The following SLC4A4 variants were observed in gnomAD, a reference collection of about 807,000 sequenced individuals.
SLC4A4 encodes solute carrier family 4 member 4.
Under a neutral mutation model 111.5 loss-of-function variants are expected in SLC4A4, and 27 were observed. The ratio of observed to expected loss-of-function variants is 0.24; its 90% CI spans 0.18 to 0.33. The LOEUF (loss-of-function observed/expected upper bound fraction) is 0.33. Ranked by LOEUF, SLC4A4 falls within the 10% of genes least tolerant of loss-of-function variation. The pLI is 1.00. For synonymous variants in SLC4A4, 443 were observed against 463.4 expected, an observed-to-expected ratio of 0.96 and a Z score of 0.57; for missense variants, 909 against 1,315.5, an observed-to-expected ratio of 0.69 and a Z score of 4.78.
Position 71,153,054 on chromosome 4 carries a change from A to T in SLC4A4, c.-2+60262A>T, listed in dbSNP as rs200758443. 1.7e-3 allele frequency among the ~76,000 whole-genome samples: 245 copies of T among 140,782 alleles called. 2 individuals are homozygous for T. Among genetic ancestry groups the T allele is most frequent in the South Asian group, 4.5e-3 (20 of 4,470 alleles). The allele number at this position is 140,782 out of a possible 152,430, so 92.4% of individuals were successfully genotyped here. A position where few individuals can be genotyped will look rare whatever the true frequency, so the allele number is the denominator to read the frequency against. On this transcript the variant is annotated intron_variant, in intron 2 of 26. Transcript: ENST00000649996. ...GTGTGTATATATATATATATATATA[A>T]AAATAAAAGGAAGTTTATTAAGTAT...
chr4:71,302,745 C>T (rs188969770), intron 3 of SLC4A4, among the ~76,000 whole-genome samples: 57 of 152,256 alleles, frequency 3.7e-4, no homozygotes, highest in Admixed American at 1.7e-3. Context: ...GGCAATGATG[C>T]CCCAGCCTTC....
chr4:71,506,300 C>G (rs188860089), intron 16 of SLC4A4, among the ~76,000 whole-genome samples: 30 of 152,092 alleles, frequency 2.0e-4, no homozygotes, highest in African/African-American at 6.7e-4. Context: ...AACATTTTAA[C>G]ATATTGATTC....
chr4:71,159,004 AT>A (rs1206788047), intron 2 of SLC4A4, among the ~76,000 whole-genome samples: 13 of 152,244 alleles, frequency 8.5e-5, no homozygotes, highest in African/African-American at 2.2e-4. Flanking sequence ...TTTATTAAAA[AT>A]ATATGTTGTT....
intron 12 of SLC4A4, among the ~76,000 whole-genome samples, chr4:71,456,681 A>G (rs1726300041): frequency 6.6e-6 from 1 of 152,150 alleles, no homozygotes; most frequent in Non-Finnish European, 1.5e-5. Context: ...AGTGCTGGAG[A>G]TAAAGATAGA....
chr4:71,449,602 T>C (rs1230868096), intron 9 of SLC4A4, among the ~76,000 whole-genome samples: 2 of 152,140 alleles, frequency 1.3e-5, no homozygotes, highest in Non-Finnish European at 2.9e-5. Flanking sequence ...TCTTTAAGAA[T>C]AGGTAAGGGT....
chr4:71,141,705 T>G (rs1338208528), intron 2 of SLC4A4, among the ~76,000 whole-genome samples: 1 of 152,234 alleles, frequency 6.6e-6, no homozygotes, highest in Non-Finnish European at 1.5e-5. Context: ...AGAACCTTGT[T>G]TGCCTTGCTT....
At chr4:71,242,834 A>C (rs1056800005) in intron 2 of SLC4A4, among the ~76,000 whole-genome samples, 10 of 151,900 alleles carry the variant, frequency 6.6e-5, no homozygotes, top group African/African-American at 2.4e-4. Context: ...TACTTGCTTA[A>C]TTCATTTCTC....
In SLC4A4 at chr4:71,241,023, G is replaced by A. The variant is rs1022074104; in HGVS notation, c.73+4374G>A. Among the ~76,000 whole-genome samples the A allele has an allele frequency of 2.6e-5, 4 of 152,086 alleles. 1 individual carries two copies. The South Asian group carries it at 8.3e-4, about 32-fold the overall frequency. On this transcript the variant is annotated intron_variant, in intron 2 of 25. Coordinates refer to ENST00000264485, the MANE Select transcript of SLC4A4 (RefSeq NM_001098484.3). ...AGTCCCAGCTACTCAGGAGGTTGAG[G>A]TGGGAGAATCGTTTGAGCCCAGGAG...
At chr4:71,445,098 A>G (rs1273729999) in intron 8 of SLC4A4, among the ~76,000 whole-genome samples, 1 of 152,164 alleles carries the variant, frequency 6.6e-6, no homozygotes, top group Admixed American at 6.5e-5. Flanking sequence ...TATAATTCTC[A>G]TATATTGTGT....
chr4:71,143,498 A>G (rs1355509973), intron 2 of SLC4A4, among the ~76,000 whole-genome samples: 1 of 151,938 alleles, frequency 6.6e-6, no homozygotes, highest in South Asian at 2.1e-4. Flanking sequence ...GGTATTTCTA[A>G]TTCTAGATCC....
chr4:71,088,953 C>T (rs1742287425), intron 1 of SLC4A4, among the ~76,000 whole-genome samples: 1 of 151,980 alleles, frequency 6.6e-6, no homozygotes, highest in African/African-American at 2.4e-5. Context: ...TGTTGACCTG[C>T]CTTGCTAGAT....
At chr4:71,550,345 G>C (rs1735878934) in intron 20 of SLC4A4, among the ~76,000 whole-genome samples, 1 of 151,908 alleles carries the variant, frequency 6.6e-6, no homozygotes, top group Non-Finnish European at 1.5e-5. Flanking sequence ...ATGTACCATT[G>C]AGGTTTGGTA....
At chr4:71,523,475 C>T (rs776264825) in intron 16 of SLC4A4, among the ~76,000 whole-genome samples, 1 of 152,044 alleles carries the variant, frequency 6.6e-6, no homozygotes, top group Non-Finnish European at 1.5e-5. Context: ...AATAAAAACA[C>T]AGTCGACCTG....
At chr4:71,381,224 T>C (rs74935054) in intron 6 of SLC4A4, among the ~76,000 whole-genome samples, 3,036 of 152,288 alleles carry the variant, frequency 0.02, 103 homozygotes, top group African/African-American at 0.069. Flanking sequence ...TTTCCATCTG[T>C]AAATGTCTTG....
intron 22 of SLC4A4, 61 bp from the exon 23 acceptor site, chr4:71,560,032 A>G (rs1736824411): frequency 3.8e-6 from 5 of 1,316,552 alleles, no homozygotes; most frequent in African/African-American, 2.9e-5. Flanking sequence ...GAGAGTATCT[A>G]TGCTTGCTGT....
chr4:71,335,917 T>C (rs1237782694), intron 3 of SLC4A4, among the ~76,000 whole-genome samples: 1 of 152,246 alleles, frequency 6.6e-6, no homozygotes, highest in African/African-American at 2.4e-5. Flanking sequence ...ATGTTCTGCA[T>C]ACATTTATAT....
At chr4:71,248,534 T>C (rs545028851) in intron 2 of SLC4A4, among the ~76,000 whole-genome samples, 4 of 152,022 alleles carry the variant, frequency 2.6e-5, no homozygotes, top group East Asian at 3.9e-4. Flanking sequence ...AGAATCAACT[T>C]TGAAGATTGA....
At chr4:71,147,134 G>A (rs1009099932) in intron 2 of SLC4A4, among the ~76,000 whole-genome samples, 14 of 152,226 alleles carry the variant, frequency 9.2e-5, no homozygotes, top group Admixed American at 3.3e-4. Context: ...GATCAAAAGA[G>A]ACAAAGAAGG....
intron 20 of SLC4A4, 116 bp downstream of exon 20, chr4:71,547,836 A>G: frequency 1.1e-6 from 1 of 890,322 alleles, no homozygotes; most frequent in Admixed American, 1.7e-5. Context: ...TCTGTAACAC[A>G]CTGAAGCAGG....
Sources: gnomAD v4.1 joint callset for allele counts (sites outside exome capture counted in the v4.1 genomes callset) on GRCh38, gnomAD v4.1.1 for gene constraint, MANE v1.5 for transcripts, NCBI Gene and HGNC (gene_info 2026-07-23, HGNC 2026-07-21) for gene names.